EBF2: variants seen among roughly 807,000 people sequenced by gnomAD.
EBF2 encodes EBF transcription factor 2.
In EBF2, 21 loss-of-function variants were observed where a neutral mutation model predicts 72.8. The observed-to-expected ratio is 0.29, with a 90% CI of 0.20 to 0.42. The LOEUF (loss-of-function observed/expected upper bound fraction) is 0.42. Ranked by LOEUF, EBF2 falls within the 10% of genes least tolerant of loss-of-function variation. The pLI is 1.00. For missense variants in EBF2, 637 were observed against 731.2 expected (o/e 0.87, Z 1.49); for synonymous variants, 299 against 274.2 (o/e 1.09, Z -0.89).
At chr8:26,028,795 G>A (rs1805345956) in intron 6 of EBF2, among the ~76,000 whole-genome samples, 1 of 152,242 alleles carries the variant, frequency 6.6e-6, no homozygotes, top group African/African-American at 2.4e-5. Flanking sequence ...GCCACAGTAA[G>A]AATGATGTTT....
At chr8:26,021,685 A>C (rs1805205228) in intron 6 of EBF2, among the ~76,000 whole-genome samples, 1 of 152,224 alleles carries the variant, frequency 6.6e-6, no homozygotes, top group Non-Finnish European at 1.5e-5. Context: ...TTTAACTTGG[A>C]TATACATACT....
intron 10 of EBF2, among the ~76,000 whole-genome samples, chr8:25,879,687 A>C (rs1802576335): frequency 6.6e-6 from 1 of 152,116 alleles, no homozygotes; most frequent in Admixed American, 6.5e-5. Flanking sequence ...ACTCCTTCCC[A>C]GGTTCCTTCT....
In EBF2 at chr8:26,044,991, G is replaced by T; in HGVS notation, c.-132C>A. 1.1e-5 allele frequency: 10 copies of T among 927,404 alleles called. No homozygotes were observed. The highest frequency in any genetic ancestry group is 2.7e-5 in the East Asian group (1 of 37,702). 57.4% of individuals were successfully genotyped at this position (927,404 alleles called of 1,614,324 possible). ...AAAGGGATCAAGTGCCCAAGTTTGAGTCTTAGAAAAAAAAAAAAGATAACC... is the reference window on the plus strand; with the variant it reads ...AAAGGGATCAAGTGCCCAAGTTTGATTCTTAGAAAAAAAAAAAAGATAACC... On this transcript the variant is annotated 5_prime_UTR_variant, in exon 1 of 16. Transcript: ENST00000520164. The surrounding 1 kb of genome is among the most constrained non-coding windows in gnomAD (Gnocchi z 4.1).
chr8:26,006,796 G>A (rs1804890053), intron 6 of EBF2, among the ~76,000 whole-genome samples: 1 of 152,202 alleles, frequency 6.6e-6, no homozygotes, highest in African/African-American at 2.4e-5. Flanking sequence ...TTCCTCTTCA[G>A]AACCACTGCA....
intron 6 of EBF2, among the ~76,000 whole-genome samples, chr8:25,913,941 C>T (rs1803170938): frequency 6.6e-6 from 1 of 152,138 alleles, no homozygotes; most frequent in South Asian, 2.1e-4. Context: ...AGGAGATGGC[C>T]CATTTCCCTT....
intron 6 of EBF2, among the ~76,000 whole-genome samples, chr8:25,994,267 C>CAAA (rs1490891161): frequency 1.3e-5 from 2 of 151,724 alleles, no homozygotes; most frequent in Non-Finnish European, 2.9e-5. Context: ...ATATAGTAGC[C>CAAA]AAATTTATTA....
In EBF2 at chr8:25,893,324, C is replaced by T. The variant is rs75610223; in HGVS notation, c.634-3455G>A. ...TGAGACAGCGTCTTGCTCTATCACCCAGGCTGAAGTGCAGTGCAGTGGCCT... is the reference window on the plus strand; with the variant it reads ...TGAGACAGCGTCTTGCTCTATCACCTAGGCTGAAGTGCAGTGCAGTGGCCT... On this transcript the variant is annotated intron_variant, in intron 7 of 15. Coordinates refer to ENST00000520164, the MANE Select transcript of EBF2 (RefSeq NM_022659.4). 9.3e-4 allele frequency among the ~76,000 whole-genome samples: 131 copies of T among 141,532 alleles called. 3 individuals carry two copies. In the East Asian group the frequency reaches 0.021, roughly 22 times the overall value. The allele number at this position is 141,532 out of a possible 152,430, so 92.9% of individuals were successfully genotyped here. A position where few individuals can be genotyped will look rare whatever the true frequency, so the allele number is the denominator to read the frequency against.
intron 6 of EBF2, among the ~76,000 whole-genome samples, chr8:26,001,202 C>T (rs1460120990): frequency 1.3e-5 from 2 of 152,178 alleles, no homozygotes; most frequent in Non-Finnish European, 2.9e-5. Context: ...GACATTCATC[C>T]AGCACTGGAA....
chr8:25,846,524 C>CA (rs958922333), intron 15 of EBF2, among the ~76,000 whole-genome samples: 2 of 152,002 alleles, frequency 1.3e-5, no homozygotes, highest in African/African-American at 4.8e-5. Context: ...CCCATCTCTA[C>CA]AAAAAATACA....
At chr8:26,042,286 C>T (rs746071123) in intron 1 of EBF2, 35 bp from the exon 2 acceptor site, 4 of 1,588,642 alleles carry the variant, frequency 2.5e-6, no homozygotes, top group African/African-American at 2.7e-5. Flanking sequence ...ACACAAGACA[C>T]GGGGAAGCAC....
intron 13 of EBF2, among the ~76,000 whole-genome samples, 166 bp from the exon 14 acceptor site, chr8:25,858,670 T>TC (rs1802148354): frequency 6.9e-6 from 1 of 145,322 alleles, no homozygotes; most frequent in African/African-American, 2.6e-5. Context: ...TTTTTTTTTT[T>TC]TTTTTTTGAG....
At chr8:25,934,873 A>T (rs755915788) in intron 6 of EBF2, among the ~76,000 whole-genome samples, 28 of 150,838 alleles carry the variant, frequency 1.9e-4, no homozygotes, top group Non-Finnish European at 3.5e-4. Flanking sequence ...CCCAAAGGCA[A>T]ATCCCCTACG....
chr8:25,876,866 T>C (rs1198329026), intron 10 of EBF2, among the ~76,000 whole-genome samples: 2 of 152,212 alleles, frequency 1.3e-5, no homozygotes, highest in Non-Finnish European at 2.9e-5. Flanking sequence ...AAGGTGGTGA[T>C]ACTCGGAGCC....
chr8:25,923,568 G>C (rs549622468), intron 6 of EBF2, among the ~76,000 whole-genome samples: 17 of 152,096 alleles, frequency 1.1e-4, no homozygotes, highest in African/African-American at 4.1e-4. Context: ...TGATAAGCCT[G>C]CTTCAAGTTT....
chr8:26,025,142 T>C (rs963459499), intron 6 of EBF2, among the ~76,000 whole-genome samples: 1 of 152,008 alleles, frequency 6.6e-6, no homozygotes, highest in Non-Finnish European at 1.5e-5. Flanking sequence ...GTGGAAATAG[T>C]GTATACAAAG....
chr8:25,883,749 G>A lies in EBF2; in HGVS notation c.1009+3006C>T, dbSNP rs546180713. On this transcript the variant is annotated intron_variant, in intron 10 of 15. Coordinates refer to ENST00000520164, the MANE Select transcript of EBF2 (RefSeq NM_022659.4). ...GGATTGGCTGCAATGTGTTTGTTATGATACCTACTCATCTCCTTATAGGCC... is the reference window on the plus strand; with the variant it reads ...GGATTGGCTGCAATGTGTTTGTTATAATACCTACTCATCTCCTTATAGGCC... Among the ~76,000 whole-genome samples the A allele has an allele frequency of 1.2e-4, 18 of 152,178 alleles. No homozygotes were observed. The South Asian group carries it at 3.7e-3, about 32-fold the overall frequency.
intron 6 of EBF2, among the ~76,000 whole-genome samples, chr8:25,941,298 C>T (rs554243845): frequency 1.3e-5 from 2 of 152,058 alleles, no homozygotes; most frequent in East Asian, 1.9e-4. Context: ...CTCCGCCTCC[C>T]GGGTTCAAGT....
intron 10 of EBF2, among the ~76,000 whole-genome samples, chr8:25,869,424 G>T (rs150629092): frequency 1.3e-5 from 2 of 152,072 alleles, no homozygotes; most frequent in Non-Finnish European, 2.9e-5. Flanking sequence ...GCTGGAATTC[G>T]CATGTCCACC....
chr8:25,850,805 C>T (rs1279326867), intron 14 of EBF2, 44 bp from the exon 15 acceptor site: 3 of 1,533,876 alleles, frequency 2.0e-6, no homozygotes, highest in Non-Finnish European at 2.6e-6. Flanking sequence ...TTAAGATCTT[C>T]CTTCAGTTCA....
Sources: allele counts gnomAD v4.1 joint callset (sites outside exome capture counted in the v4.1 genomes callset), GRCh38; gene constraint gnomAD v4.1.1; non-coding constraint Gnocchi (gnomAD v3.1); transcripts MANE v1.5; gene names NCBI Gene and HGNC (gene_info 2026-07-23, HGNC 2026-07-21).